TRDN: variants seen among roughly 807,000 people sequenced by gnomAD.
The protein encoded by TRDN is triadin in skeletal muscle.
A neutral mutation model predicts 149.7 loss-of-function variants in TRDN; 161 were observed. The ratio of observed to expected loss-of-function variants is 1.08; its 90% CI spans 0.95 to 1.23. The LOEUF is 1.23. Ranked by LOEUF, TRDN falls within the 50% of genes most tolerant of loss-of-function variation. The probability of loss-of-function intolerance (pLI) is 0.00; values close to 1 mark genes in which losing one functional copy is unlikely to be tolerated. For synonymous variants in TRDN, 294 were observed against 250.5 expected, an observed-to-expected ratio of 1.17 and a Z score of -1.64; for missense variants, 896 against 823.5, an observed-to-expected ratio of 1.09 and a Z score of -1.08.
intron 23 of TRDN, among the ~76,000 whole-genome samples, chr6:123,320,871 T>C (rs1367672): frequency 0.18 from 27,418 of 152,018 alleles, 3,482 homozygotes; most frequent in East Asian, 0.63. Flanking sequence ...TCGTATTATA[T>C]AGTTTCCTAC....
chr6:123,592,824 T>G (rs1012622246), intron 1 of TRDN, among the ~76,000 whole-genome samples: 3 of 152,200 alleles, frequency 2.0e-5, no homozygotes, highest in African/African-American at 7.2e-5. Context: ...TCTAGGGTTA[T>G]GCTCTGCAAG....
intron 1 of TRDN, 104 bp from the exon 2 acceptor site, chr6:123,571,236 T>C: frequency 8.3e-7 from 1 of 1,210,854 alleles, no homozygotes; most frequent in East Asian, 2.5e-5. Context: ...TATACTGCTT[T>C]CTAGAGCAGC....
chr6:123,569,647 G>A (rs1193714129), intron 2 of TRDN, among the ~76,000 whole-genome samples: 2 of 152,164 alleles, frequency 1.3e-5, no homozygotes, highest in African/African-American at 2.4e-5. Flanking sequence ...GCTTCAGGAA[G>A]CTTGCAATAA....
In TRDN at chr6:123,437,381, ATTTT is replaced by A. The variant is rs565538741; in HGVS notation, c.1051+678_1051+681del. 1,634 of 185,540 alleles carry A rather than the reference ATTTT, an allele frequency of 8.8e-3. 3 individuals carry two copies. The highest frequency in any genetic ancestry group is 0.017 in the African/African-American group (337 of 19,400). 11.5% of individuals were successfully genotyped at this position (185,540 alleles called of 1,614,324 possible). A position where few individuals can be genotyped will look rare whatever the true frequency, so the allele number is the denominator to read the frequency against. On this transcript the variant is annotated intron_variant, in intron 12 of 40. Transcript: ENST00000334268. ...CTTTCTCTACTTTATTGAGATACAG[ATTTT>A]TTTTTTTTTTTTTTTTTTTTTTTGT... is the stretch of plus-strand genomic sequence containing the variant.
chr6:123,364,745 C>T (rs1781026368), intron 20 of TRDN, among the ~76,000 whole-genome samples: 1 of 152,196 alleles, frequency 6.6e-6, no homozygotes, highest in Non-Finnish European at 1.5e-5. Context: ...AATTTTTGAA[C>T]ATAAGTTGGC....
intron 4 of TRDN, among the ~76,000 whole-genome samples, chr6:123,532,201 T>G (rs960769426): frequency 4.6e-5 from 7 of 152,100 alleles, no homozygotes; most frequent in African/African-American, 1.7e-4. Context: ...AAACTTAGAA[T>G]AAAATATAAG....
chr6:123,455,470 A>G (rs13219865), intron 10 of TRDN, among the ~76,000 whole-genome samples: 25,344 of 151,200 alleles, frequency 0.17, 2,287 homozygotes, highest in South Asian at 0.28. Flanking sequence ...AAGAGAGAAG[A>G]AAAGAGGAGC....
At position 123,265,307 on chromosome 6, in the gene TRDN, G is replaced by A; in HGVS notation, c.1804+11C>T. ...TAGGACAATTTTAAAATTCTAAAAT[G>A]GTACACTTACTTGGAGTTGGTTTTG... On this transcript the variant is annotated intron_variant, in intron 33 of 40. Transcript: ENST00000334268. 1.4e-6 allele frequency: 2 copies of A among 1,404,668 alleles called. No individual in the cohort carries two copies. The highest frequency in any genetic ancestry group is 1.8e-4 in the Middle Eastern group (1 of 5,504). The allele number at this position is 1,404,668 out of a possible 1,614,324, so 87.0% of individuals were successfully genotyped here. A position where few individuals can be genotyped will look rare whatever the true frequency, so the allele number is the denominator to read the frequency against.
At position 123,455,446 on chromosome 6, in the gene TRDN, G is replaced by GTA. The variant is rs1554241699; in HGVS notation, c.931+9459_931+9460insTA. Among the ~76,000 whole-genome samples the GTA allele has an allele frequency of 3.9e-3, 589 of 151,818 alleles. 2 individuals carry two copies. Among genetic ancestry groups the GTA allele is most frequent in the African/African-American group, 0.013 (539 of 41,312 alleles). ...TGTGTGTGTGTGTGTGTGTCTGTGT[G>GTA]TGTTAGAGAAACAAAGAGAGAAGAA... On this transcript the variant is annotated intron_variant, in intron 10 of 40. Transcript: ENST00000334268.
intron 1 of TRDN, among the ~76,000 whole-genome samples, chr6:123,587,137 C>T (rs140137711): frequency 0.012 from 1,793 of 152,054 alleles, 16 homozygotes; most frequent in African/African-American, 0.026. Context: ...GGGTACTTGC[C>T]CCTTCCCCAG....
intron 39 of TRDN, 136 bp from the exon 40 acceptor site, chr6:123,221,658 G>GATTTGTATTTGGAGTACAAATAGA: frequency 2.2e-6 from 1 of 451,760 alleles, no homozygotes; most frequent in Non-Finnish European, 3.9e-6. Context: ...GTATACTCCA[G>GATTTGTATTTGGAGTACAAATAGA]ATTTGTACAC....
chr6:123,330,158 T>C (rs1271275088), intron 23 of TRDN, among the ~76,000 whole-genome samples: 1 of 152,046 alleles, frequency 6.6e-6, no homozygotes, highest in Admixed American at 6.6e-5. Flanking sequence ...AATAAAAATA[T>C]TGATATATAT....
At chr6:123,273,703 A>C (rs1777279809) in intron 27 of TRDN, among the ~76,000 whole-genome samples, 1 of 152,074 alleles carries the variant, frequency 6.6e-6, no homozygotes, top group South Asian at 2.1e-4. Context: ...GTTGCCAGGT[A>C]AGTTCTGGTG....
At chr6:123,269,286 C>T (rs1777122331) in intron 31 of TRDN, among the ~76,000 whole-genome samples, 1 of 152,004 alleles carries the variant, frequency 6.6e-6, no homozygotes, top group South Asian at 2.1e-4. Flanking sequence ...TTCATAAGGA[C>T]ATTTCATCAT....
chr6:123,570,455 G>A (rs1782510128), intron 2 of TRDN, among the ~76,000 whole-genome samples: 1 of 152,188 alleles, frequency 6.6e-6, no homozygotes, highest in Non-Finnish European at 1.5e-5. Context: ...CAGAAGCAAA[G>A]AGTTTGTCTG....
intron 9 of TRDN, among the ~76,000 whole-genome samples, chr6:123,483,243 C>G (rs943608661): frequency 6.6e-6 from 1 of 151,664 alleles, no homozygotes; most frequent in Admixed American, 6.6e-5. Flanking sequence ...GCTGGGACTA[C>G]AGGCGTGTGC....
At chr6:123,584,997 A>G (rs1783377939) in intron 1 of TRDN, among the ~76,000 whole-genome samples, 1 of 151,984 alleles carries the variant, frequency 6.6e-6, no homozygotes, top group South Asian at 2.1e-4. Context: ...GCAAGTGATA[A>G]CAGGCTTTAA....
intron 9 of TRDN, among the ~76,000 whole-genome samples, chr6:123,482,071 T>G (rs1319455519): frequency 6.6e-6 from 1 of 152,196 alleles, no homozygotes; most frequent in African/African-American, 2.4e-5. Flanking sequence ...TGTGGGAAAA[T>G]GTCTTTCGTT....
chr6:123,609,141 C>A (rs1270758750), intron 1 of TRDN, among the ~76,000 whole-genome samples: 3 of 151,602 alleles, frequency 2.0e-5, no homozygotes, highest in African/African-American at 7.3e-5. Context: ...ACACTGCACT[C>A]CAGTCTGGGT....
Sources: allele counts gnomAD v4.1 joint callset (sites outside exome capture counted in the v4.1 genomes callset), GRCh38; gene constraint gnomAD v4.1.1; transcripts MANE v1.5; gene names NCBI Gene and HGNC (gene_info 2026-07-23, HGNC 2026-07-21).